ZPBP: variants seen among roughly 807,000 people sequenced by gnomAD.
ZPBP encodes the protein zona pellucida binding protein.
ZPBP carries 26 observed loss-of-function variants against 44.8 expected under a neutral mutation model. The observed-to-expected ratio is 0.58, with a 90% CI of 0.43 to 0.81. ZPBP has a LOEUF of 0.81. ZPBP is among the 30% of genes least tolerant of loss of function. ZPBP has a pLI of 0.00. For missense variants in ZPBP, 409 were observed against 434.0 expected, an observed-to-expected ratio of 0.94 and a Z score of 0.51; for synonymous variants, 174 against 153.2, an observed-to-expected ratio of 1.14 and a Z score of -1.00.
At chr7:50,069,701 C>T (rs1801735443) in intron 3 of ZPBP, among the ~76,000 whole-genome samples, 1 of 151,840 alleles carries the variant, frequency 6.6e-6, no homozygotes, top group East Asian at 1.9e-4. Flanking sequence ...GGTTTTGATG[C>T]TTTCCCTCCT....
At chr7:49,930,651 T>C (rs942414715) in intron 1 of ZPBP, among the ~76,000 whole-genome samples, 1 of 152,188 alleles carries the variant, frequency 6.6e-6, no homozygotes, top group Non-Finnish European at 1.5e-5. Context: ...GAAATTGGTA[T>C]AATCCTTAGA....
intron 6 of ZPBP, among the ~76,000 whole-genome samples, chr7:49,985,633 AC>A (rs1370255412): frequency 1.0e-5 from 1 of 96,630 alleles, no homozygotes; most frequent in African/African-American, 4.2e-5. Flanking sequence ...GCTTCCTAAT[AC>A]CCCATGCAAA....
chr7:49,971,216 G>A (rs976608876), intron 7 of ZPBP, among the ~76,000 whole-genome samples: 10 of 152,084 alleles, frequency 6.6e-5, no homozygotes, highest in Admixed American at 1.3e-4. Flanking sequence ...TCAGTAAACC[G>A]ATTTACACCT....
intron 2 of ZPBP, among the ~76,000 whole-genome samples, chr7:49,872,351 C>T (rs760045020): frequency 1.3e-5 from 2 of 151,800 alleles, no homozygotes; most frequent in Non-Finnish European, 2.9e-5. Context: ...TTAGATGTGC[C>T]GGGAACAATG....
chr7:50,079,465 TA>T (rs1259945046), intron 3 of ZPBP, among the ~76,000 whole-genome samples: 5 of 151,556 alleles, frequency 3.3e-5, no homozygotes, highest in African/African-American at 9.7e-5. Context: ...ATGTGGAATC[TA>T]AAAAAGTCAC....
intron 3 of ZPBP, among the ~76,000 whole-genome samples, chr7:50,062,539 A>G (rs1801294369): frequency 6.6e-6 from 1 of 152,196 alleles, no homozygotes; most frequent in Non-Finnish European, 1.5e-5. Flanking sequence ...CAATCATCTG[A>G]TCTTCAACAA....
chr7:50,069,599 G>A (rs1214409890), intron 3 of ZPBP, among the ~76,000 whole-genome samples: 1 of 152,146 alleles, frequency 6.6e-6, no homozygotes, highest in Non-Finnish European at 1.5e-5. Context: ...CTAATTCACA[G>A]TATGTCCTCA....
At chr7:49,933,838 T>C (rs1583866586), downstream of ZPBP, among the ~76,000 whole-genome samples, 2 of 135,212 alleles carry the variant, frequency 1.5e-5, no homozygotes, top group African/African-American at 5.7e-5. Context: ...CACTCATAGG[T>C]GGGAATTGAA....
At chr7:50,057,494 CT>C (rs2128829946) in intron 4 of ZPBP, among the ~76,000 whole-genome samples, 1 of 152,286 alleles carries the variant, frequency 6.6e-6, no homozygotes, top group East Asian at 1.9e-4. Context: ...TCTGTCTTGA[CT>C]GGCAAGCCAC....
intron 4 of ZPBP, among the ~76,000 whole-genome samples, chr7:50,057,403 A>C (rs1801005957): frequency 6.6e-6 from 1 of 152,268 alleles, no homozygotes; most frequent in South Asian, 2.1e-4. Context: ...AATCCTCAAA[A>C]ACTCTTAGTC....
At chr7:49,981,381 TATA>T (rs370735590) in intron 7 of ZPBP, among the ~76,000 whole-genome samples, 11,293 of 31,766 alleles carry the variant, frequency 0.36, 1,473 homozygotes, top group Middle Eastern at 0.42. Context: ...ATATATTATA[TATA>T]ATTATATATA....
intron 6 of ZPBP, among the ~76,000 whole-genome samples, chr7:49,994,888 T>C (rs575483412): frequency 6.6e-6 from 1 of 152,288 alleles, no homozygotes; most frequent in East Asian, 1.9e-4. Context: ...GGTGACTATG[T>C]AAATGTGCCA....
chr7:49,875,286 C>T (rs1006842593), intron 2 of ZPBP, among the ~76,000 whole-genome samples: 1 of 135,486 alleles, frequency 7.4e-6, no homozygotes, highest in African/African-American at 2.7e-5. Context: ...AGGAGAATCG[C>T]CTGAACCCAG....
intron 1 of ZPBP, among the ~76,000 whole-genome samples, chr7:49,906,196 T>C (rs1162990492): frequency 6.6e-6 from 1 of 152,208 alleles, no homozygotes; most frequent in Non-Finnish European, 1.5e-5. Flanking sequence ...CTTTCTTGCA[T>C]GAAATCCAAG....
intron 6 of ZPBP, among the ~76,000 whole-genome samples, chr7:49,990,619 T>TGG (rs57607905): frequency 0.012 from 1,862 of 150,948 alleles, 27 homozygotes; most frequent in African/African-American, 0.033. Context: ...TAAGTATATA[T>TGG]GGGGGGGGAC....
intron 1 of ZPBP, among the ~76,000 whole-genome samples, chr7:50,090,520 T>C (rs1368711360): frequency 6.6e-6 from 1 of 151,836 alleles, no homozygotes; most frequent in African/African-American, 2.4e-5. Flanking sequence ...TGTGTATATA[T>C]GTGTATATAT....
chr7:50,006,774 A>T (rs543255857), intron 6 of ZPBP, among the ~76,000 whole-genome samples: 4 of 152,054 alleles, frequency 2.6e-5, no homozygotes, highest in Non-Finnish European at 5.9e-5. Flanking sequence ...TGCTTCTTTG[A>T]AAAGATCAAC....
chr7:50,078,906 T>C (rs139570385), intron 3 of ZPBP, among the ~76,000 whole-genome samples: 89 of 75,208 alleles, frequency 1.2e-3, no homozygotes, highest in African/African-American at 3.6e-3. Context: ...AAGACATGAA[T>C]AGACACTTCT....
intron 7 of ZPBP, among the ~76,000 whole-genome samples, chr7:49,953,984 G>A (rs1795463495): frequency 1.3e-5 from 2 of 151,854 alleles, no homozygotes; most frequent in Non-Finnish European, 2.9e-5. Flanking sequence ...GAATTCAAAG[G>A]GCACTAAATA....
Sources: gnomAD v4.1 joint callset for allele counts (sites outside exome capture counted in the v4.1 genomes callset) on GRCh38, gnomAD v4.1.1 for gene constraint, MANE v1.5 for transcripts, NCBI Gene and HGNC (gene_info 2026-07-23, HGNC 2026-07-21) for gene names.